The following VGLL4 variants were observed in gnomAD, a reference collection of about 807,000 sequenced individuals.
VGLL4 encodes the protein vestigial like family member 4.
Under a neutral mutation model 21.0 loss-of-function variants are expected in VGLL4, and 7 were observed. That is an observed-to-expected ratio of 0.33 (90% CI 0.19 to 0.63). The LOEUF (loss-of-function observed/expected upper bound fraction) is 0.63, where lower values mean the gene tolerates loss of function less well. Among genes scored for constraint, VGLL4 ranks in the 20% least tolerant of loss-of-function variants. VGLL4 has a pLI of 0.78. For missense variants in VGLL4, 394 were observed against 425.7 expected (o/e 0.93, Z 0.66); for synonymous variants, 222 against 173.2 (o/e 1.28, Z -2.21).
chr3:11,660,133 G>T (rs2076017309), intron 2 of VGLL4, among the ~76,000 whole-genome samples: 1 of 150,904 alleles, frequency 6.6e-6, no homozygotes, highest in South Asian at 2.1e-4. Flanking sequence ...CTGCACTCCA[G>T]CCTGGGCGAC....
At chr3:11,621,631 T>C (rs954755163) in intron 1 of VGLL4, among the ~76,000 whole-genome samples, 2 of 152,358 alleles carry the variant, frequency 1.3e-5, no homozygotes, top group African/African-American at 4.8e-5. Context: ...TCTATGGACA[T>C]TTGTGGACAG....
chr3:11,718,898 T>C (rs1415117674), intron 1 of VGLL4, among the ~76,000 whole-genome samples: 2 of 152,130 alleles, frequency 1.3e-5, no homozygotes, highest in Non-Finnish European at 2.9e-5. Context: ...TCATCTAACT[T>C]AAACAGACGA....
intron 2 of VGLL4, among the ~76,000 whole-genome samples, chr3:11,575,800 T>C (rs2074023201): frequency 6.6e-6 from 1 of 152,166 alleles, no homozygotes; most frequent in Non-Finnish European, 1.5e-5. Context: ...TCTGAGTGAG[T>C]CTGGGGCCAA....
intron 1 of VGLL4, among the ~76,000 whole-genome samples, chr3:11,619,661 G>A (rs1396535345): frequency 6.6e-6 from 1 of 152,150 alleles, no homozygotes; most frequent in African/African-American, 2.4e-5. Flanking sequence ...TAGGGCTGGG[G>A]AAGGAAGGTT....
intron 2 of VGLL4, among the ~76,000 whole-genome samples, chr3:11,700,374 C>A (rs577564478): frequency 1.3e-5 from 2 of 152,302 alleles, no homozygotes; most frequent in East Asian, 3.8e-4. Flanking sequence ...ATTCAAACTA[C>A]TACCTTATAT....
In VGLL4 at chr3:11,686,758, C is replaced by G. The variant is rs147593568; in HGVS notation, c.64+16213G>C. Among the ~76,000 whole-genome samples the G allele has an allele frequency of 1.0e-3, 156 of 152,292 alleles. 1 individual carries two copies. Among genetic ancestry groups the G allele is most frequent in the African/African-American group, 3.3e-3 (139 of 41,556 alleles). Reference sequence around the variant, plus strand: ...ATGACATATAAATTCCTATACCTCACGTGTATACATGTTTCTGAGCTCCAT... The same window carrying G: ...ATGACATATAAATTCCTATACCTCAGGTGTATACATGTTTCTGAGCTCCAT... On this transcript the variant is annotated intron_variant, in intron 2 of 5. Transcript: ENST00000273038.
At chr3:11,566,757 G>C (rs139409155) in intron 2 of VGLL4, among the ~76,000 whole-genome samples, 350 of 152,150 alleles carry the variant, frequency 2.3e-3, no homozygotes, top group Middle Eastern at 6.8e-3. Flanking sequence ...CTTTAATACA[G>C]AATCCATCCC....
chr3:11,669,549 C>T (rs754158515), intron 2 of VGLL4, among the ~76,000 whole-genome samples: 3 of 152,040 alleles, frequency 2.0e-5, no homozygotes, highest in South Asian at 4.1e-4. Context: ...TATTCTAAAA[C>T]GAACTTTAAA....
chr3:11,647,669 A>G (rs1371754114), upstream of VGLL4, among the ~76,000 whole-genome samples: 2 of 152,174 alleles, frequency 1.3e-5, no homozygotes, highest in Non-Finnish European at 2.9e-5. Flanking sequence ...CGCTCAACCC[A>G]TACCTTATAT....
chr3:11,597,742 C>T (rs1415227159), intron 2 of VGLL4, among the ~76,000 whole-genome samples: 1 of 152,158 alleles, frequency 6.6e-6, no homozygotes, highest in Non-Finnish European at 1.5e-5. Context: ...GCCCCATCTC[C>T]TGGACTGTAG....
chr3:11,583,834 A>G (rs936104831), intron 2 of VGLL4, among the ~76,000 whole-genome samples: 2 of 152,190 alleles, frequency 1.3e-5, no homozygotes, highest in African/African-American at 2.4e-5. Context: ...GACTCCCCCA[A>G]GCATACTCAT....
chr3:11,611,582 C>A (rs889897022), intron 1 of VGLL4: 1 of 152,222 alleles, frequency 6.6e-6, no homozygotes, highest in Non-Finnish European at 1.5e-5. Flanking sequence ...AAACCTGGTT[C>A]TGACACCAAA....
chr3:11,721,633 G>C (rs1282496439), upstream of VGLL4, among the ~76,000 whole-genome samples: 1 of 152,204 alleles, frequency 6.6e-6, no homozygotes, highest in Non-Finnish European at 1.5e-5. Flanking sequence ...ACTGTAAATA[G>C]GAGATTCATC....
At chr3:11,604,494 T>G in intron 1 of VGLL4, 1 of 956,464 alleles carries the variant, frequency 1.0e-6, no homozygotes, top group Non-Finnish European at 1.2e-6. Context: ...TTTATGCATC[T>G]TTGGGGCCCC....
chr3:11,601,919 C>T lies in VGLL4; in HGVS notation c.186G>A (p.Arg62=). The T allele has an allele frequency of 6.2e-7, 1 of 1,613,854 alleles. No homozygotes were observed. Among genetic ancestry groups the T allele is most frequent in the Non-Finnish European group, 8.5e-7 (1 of 1,179,908 alleles). Residue 62 remains arginine, a synonymous_variant, in exon 2 of 5, where the codon AGG becomes AGA. Coordinates refer to ENST00000430365, the MANE Select transcript of VGLL4 (RefSeq NM_001128219.3). ...TGPPPISPSK[R]KFSMEPGDED... ...CGTCACCTGGCTCCATGCTGAACTTCCTCTTGCTGGGGCTGATTGGGGGAG... is the reference window on the plus strand; with the variant it reads ...CGTCACCTGGCTCCATGCTGAACTTTCTCTTGCTGGGGCTGATTGGGGGAG...
intron 3 of VGLL4, among the ~76,000 whole-genome samples, chr3:11,563,905 T>G (rs779656880): frequency 6.6e-6 from 1 of 152,200 alleles, no homozygotes; most frequent in Non-Finnish European, 1.5e-5. Flanking sequence ...ACCCACAGTT[T>G]CAACAGACCC....
At chr3:11,633,833 T>A (rs1345828975) in intron 1 of VGLL4, among the ~76,000 whole-genome samples, 5 of 152,124 alleles carry the variant, frequency 3.3e-5, no homozygotes, top group Admixed American at 6.5e-5. Context: ...TCACGTTATG[T>A]GGACTGCAGG....
At chr3:11,646,089 A>G (rs866981586), upstream of VGLL4, among the ~76,000 whole-genome samples, 7 of 152,238 alleles carry the variant, frequency 4.6e-5, no homozygotes, top group Non-Finnish European at 7.3e-5. Flanking sequence ...TAGGGGAATC[A>G]AGATTTCACA....
intron 1 of VGLL4, among the ~76,000 whole-genome samples, chr3:11,626,161 C>G (rs1177324867): frequency 2.0e-5 from 3 of 152,164 alleles, no homozygotes; most frequent in African/African-American, 7.2e-5. Context: ...GGCTTTTCAC[C>G]TTTCCAAGAA....
Sources: gnomAD v4.1 joint callset for allele counts (sites outside exome capture counted in the v4.1 genomes callset) on GRCh38, gnomAD v4.1.1 for gene constraint, MANE v1.5 for transcripts, NCBI Gene and HGNC (gene_info 2026-07-23, HGNC 2026-07-21) for gene names.